PLCB4: variants seen among roughly 807,000 people sequenced by gnomAD.
PLCB4 encodes 1-phosphatidylinositol 4,5-bisphosphate phosphodiesterase beta-4.
Under a neutral mutation model 178.8 loss-of-function variants are expected in PLCB4, and 77 were observed. The observed-to-expected ratio is 0.43, with a 90% CI of 0.36 to 0.52. PLCB4 has a LOEUF of 0.52. PLCB4 is among the 20% of genes least tolerant of loss of function. PLCB4 has a pLI of 0.00. For synonymous variants in PLCB4, 496 were observed against 490.8 expected, an observed-to-expected ratio of 1.01 and a Z score of -0.14; for missense variants, 1,024 against 1,453.4, an observed-to-expected ratio of 0.70 and a Z score of 4.80.
intron 22 of PLCB4, among the ~76,000 whole-genome samples, chr20:9,408,308 CT>C (rs1164475144): frequency 6.6e-6 from 1 of 152,154 alleles, no homozygotes; most frequent in Non-Finnish European, 1.5e-5. Flanking sequence ...GTAGCTTCTT[CT>C]GTTCCCAAGT....
chr20:9,193,555 G>T (rs1405469834), intron 2 of PLCB4, among the ~76,000 whole-genome samples: 1 of 152,170 alleles, frequency 6.6e-6, no homozygotes, highest in Non-Finnish European at 1.5e-5. Flanking sequence ...AGATTAGTGG[G>T]TGCTAAGCGT....
At chr20:9,419,639 G>A (rs911241645) in intron 25 of PLCB4, among the ~76,000 whole-genome samples, 168 bp from the exon 26 acceptor site, 3 of 152,216 alleles carry the variant, frequency 2.0e-5, no homozygotes, top group African/African-American at 7.2e-5. Context: ...AGCTCTTTAA[G>A]GTTGTGCATA....
intron 12 of PLCB4, among the ~76,000 whole-genome samples, chr20:9,379,503 A>G (rs1301916856): frequency 6.6e-6 from 1 of 152,162 alleles, no homozygotes; most frequent in East Asian, 1.9e-4. Flanking sequence ...TAGTTACTCA[A>G]GAAAATGAAA....
At chr20:9,168,887 G>A (rs1276636663) in intron 2 of PLCB4, among the ~76,000 whole-genome samples, 4 of 130,146 alleles carry the variant, frequency 3.1e-5, no homozygotes, top group East Asian at 2.2e-4. Context: ...TCCAGGACTC[G>A]TCATCCTTGG....
intron 2 of PLCB4, among the ~76,000 whole-genome samples, chr20:9,101,297 G>C (rs1033960800): frequency 6.6e-6 from 1 of 152,118 alleles, no homozygotes; most frequent in Non-Finnish European, 1.5e-5. Context: ...TCTTTCCTGT[G>C]GTTAGATTCA....
chr20:9,387,268 C>A (rs1330522731), intron 14 of PLCB4, among the ~76,000 whole-genome samples, 195 bp from the exon 15 acceptor site: 1 of 152,082 alleles, frequency 6.6e-6, no homozygotes, highest in African/African-American at 2.4e-5. Flanking sequence ...TCAGACAATC[C>A]CCTTTTGATA....
chr20:9,076,218 G>A (rs552804168), intron 1 of PLCB4, among the ~76,000 whole-genome samples: 85 of 152,222 alleles, frequency 5.6e-4, no homozygotes, highest in Non-Finnish European at 9.4e-4. Flanking sequence ...TGTAATTTCA[G>A]CACTTTGGGA....
chr20:9,070,765 T>A (rs1459648056), intron 1 of PLCB4, among the ~76,000 whole-genome samples: 1 of 152,210 alleles, frequency 6.6e-6, no homozygotes, highest in Non-Finnish European at 1.5e-5. Context: ...AAAGGTACCA[T>A]GTATTAGCTT....
intron 32 of PLCB4, among the ~76,000 whole-genome samples, chr20:9,446,927 T>C (rs1377807786): frequency 6.6e-6 from 1 of 152,160 alleles, no homozygotes; most frequent in Non-Finnish European, 1.5e-5. Flanking sequence ...AAAAACATGT[T>C]GTCTTTAAAA....
At chr20:9,351,731 A>G (rs2034365371) in intron 7 of PLCB4, among the ~76,000 whole-genome samples, 1 of 152,158 alleles carries the variant, frequency 6.6e-6, no homozygotes, top group Non-Finnish European at 1.5e-5. Context: ...TGCTTGAACT[A>G]AATTGGTGGA....
At chr20:9,125,692 T>C (rs182106808) in intron 2 of PLCB4, among the ~76,000 whole-genome samples, 1 of 152,322 alleles carries the variant, frequency 6.6e-6, no homozygotes, top group Admixed American at 6.5e-5. Context: ...AATAAAAGGA[T>C]GTGTATTTTT....
chr20:9,364,497 A>G (rs956287648), intron 8 of PLCB4, among the ~76,000 whole-genome samples: 2 of 152,172 alleles, frequency 1.3e-5, no homozygotes, highest in African/African-American at 4.8e-5. Context: ...GAGGAAGTCC[A>G]CAGCCAATGA....
At chr20:9,101,641 T>C (rs2091155826) in intron 2 of PLCB4, among the ~76,000 whole-genome samples, 1 of 152,176 alleles carries the variant, frequency 6.6e-6, no homozygotes, top group Admixed American at 6.5e-5. Context: ...TATCAGGTAT[T>C]AGCTGACATT....
At chr20:9,469,796 A>G (rs899989766) in intron 36 of PLCB4, among the ~76,000 whole-genome samples, 1 of 152,236 alleles carries the variant, frequency 6.6e-6, no homozygotes, top group African/African-American at 2.4e-5. Flanking sequence ...ACAGCTGGTG[A>G]AGGGGATCTG....
intron 7 of PLCB4, among the ~76,000 whole-genome samples, chr20:9,352,487 T>C (rs895110856): frequency 6.6e-6 from 1 of 152,164 alleles, no homozygotes; most frequent in Non-Finnish European, 1.5e-5. Context: ...ACAAAGCCAT[T>C]TGGTATGGAA....
At chr20:9,332,487 A>T (rs1367157276) in intron 4 of PLCB4, among the ~76,000 whole-genome samples, 1 of 152,080 alleles carries the variant, frequency 6.6e-6, no homozygotes, top group Non-Finnish European at 1.5e-5. Context: ...GTGAATTTTC[A>T]TGGGTGGTTT....
At chr20:9,285,138 T>TA (rs1463044914) in intron 3 of PLCB4, among the ~76,000 whole-genome samples, 2 of 151,218 alleles carry the variant, frequency 1.3e-5, no homozygotes, top group Non-Finnish European at 1.5e-5. Flanking sequence ...TTTTTTTTTT[T>TA]AAATTTGTTA....
At chr20:9,155,785 C>T (rs1443526168) in intron 2 of PLCB4, among the ~76,000 whole-genome samples, 1 of 152,132 alleles carries the variant, frequency 6.6e-6, no homozygotes, top group Non-Finnish European at 1.5e-5. Context: ...TTCCTTTGTG[C>T]TCTGTAGCTA....
intron 4 of PLCB4, among the ~76,000 whole-genome samples, chr20:9,319,240 G>A (rs1248327934): frequency 1.3e-5 from 2 of 152,118 alleles, no homozygotes; most frequent in Non-Finnish European, 2.9e-5. Flanking sequence ...AAAAAATCAA[G>A]TTAATAATTT....
Sources: allele counts gnomAD v4.1 joint callset (sites outside exome capture counted in the v4.1 genomes callset), GRCh38; gene constraint gnomAD v4.1.1; transcripts MANE v1.5; gene names NCBI Gene and HGNC (gene_info 2026-07-23, HGNC 2026-07-21).